SPATS2L: variants seen among roughly 807,000 people sequenced by gnomAD.
SPATS2L encodes SPATS2-like protein.
Under a neutral mutation model 59.6 loss-of-function variants are expected in SPATS2L, and 30 were observed. That is an observed-to-expected ratio of 0.50 (90% CI 0.38 to 0.68). The LOEUF is 0.68. SPATS2L is among the 30% of genes least tolerant of loss of function. SPATS2L has a pLI of 0.00. For missense variants in SPATS2L, 615 were observed against 700.0 expected (o/e 0.88, Z 1.37); for synonymous variants, 252 against 263.5 (o/e 0.96, Z 0.42).
chr2:200,330,982 A>G (rs377156556), intron 2 of SPATS2L, among the ~76,000 whole-genome samples: 1 of 152,246 alleles, frequency 6.6e-6, no homozygotes, highest in East Asian at 1.9e-4. Context: ...CCACATGAGC[A>G]CACTTTAGGA....
chr2:200,420,937 C>G (rs1371749014), intron 6 of SPATS2L, among the ~76,000 whole-genome samples: 2 of 152,078 alleles, frequency 1.3e-5, no homozygotes, highest in African/African-American at 4.8e-5. Flanking sequence ...AAAATGCCCG[C>G]TCAGTTTTTC....
intron 4 of SPATS2L, among the ~76,000 whole-genome samples, chr2:200,414,891 T>C (rs924129986): frequency 6.6e-6 from 1 of 152,264 alleles, no homozygotes; most frequent in Non-Finnish European, 1.5e-5. Flanking sequence ...ATTAGAGGAC[T>C]AATTGAATAT....
chr2:200,477,515 T>TACAAAAAAAAAAAAAAAA (rs2087630040), intron 12 of SPATS2L, 121 bp from the exon 13 acceptor site: 1 of 268,514 alleles, frequency 3.7e-6, no homozygotes, highest in Admixed American at 6.9e-5. Context: ...TTCTGGTGTA[T>TACAAAAAAAAAAAAAAAA]AAAAAAAAAA....
chr2:200,322,813 G>A (rs2079608704), intron 1 of SPATS2L, among the ~76,000 whole-genome samples: 1 of 152,124 alleles, frequency 6.6e-6, no homozygotes, highest in Admixed American at 6.5e-5. Context: ...AGTAAAAATG[G>A]GGGAAAAAAC....
intron 8 of SPATS2L, among the ~76,000 whole-genome samples, chr2:200,448,251 G>A (rs1430098394): frequency 2.6e-5 from 4 of 152,172 alleles, no homozygotes; most frequent in Non-Finnish European, 4.4e-5. Context: ...AGACCAGCCT[G>A]GCCAACATGG....
At chr2:200,331,330 G>A (rs1198722348) in intron 2 of SPATS2L, among the ~76,000 whole-genome samples, 1 of 152,208 alleles carries the variant, frequency 6.6e-6, no homozygotes, top group Non-Finnish European at 1.5e-5. Flanking sequence ...GGTATCCACT[G>A]AATCCCTTAA....
chr2:200,456,347 A>G (rs1323256736), intron 8 of SPATS2L, among the ~76,000 whole-genome samples: 2 of 152,242 alleles, frequency 1.3e-5, no homozygotes, highest in Non-Finnish European at 2.9e-5. Flanking sequence ...TACCCAGAGA[A>G]ACGGAAGCCT....
intron 2 of SPATS2L, among the ~76,000 whole-genome samples, chr2:200,335,095 A>G (rs2080096574): frequency 1.3e-5 from 2 of 152,156 alleles, no homozygotes; most frequent in Admixed American, 1.3e-4. Context: ...TCTATAAATT[A>G]CCTTGGGCAG....
At chr2:200,456,884 T>G (rs532110877) in intron 8 of SPATS2L, among the ~76,000 whole-genome samples, 4 of 152,268 alleles carry the variant, frequency 2.6e-5, no homozygotes, top group South Asian at 2.1e-4. Context: ...CCTAATTGCT[T>G]CTTCTTGCCA....
intron 6 of SPATS2L, among the ~76,000 whole-genome samples, chr2:200,428,306 A>G (rs2083705069): frequency 1.3e-5 from 2 of 151,986 alleles, no homozygotes; most frequent in South Asian, 4.1e-4. Context: ...TTTAATCTTT[A>G]TTTTTTCCCT....
At chr2:200,362,554 G>A (rs1470837841) in intron 2 of SPATS2L, among the ~76,000 whole-genome samples, 2 of 152,176 alleles carry the variant, frequency 1.3e-5, no homozygotes, top group African/African-American at 4.8e-5. Context: ...CAGAAGTTTT[G>A]CATATTACTT....
At chr2:200,352,076 G>T (rs1476286322) in intron 2 of SPATS2L, among the ~76,000 whole-genome samples, 1 of 151,992 alleles carries the variant, frequency 6.6e-6, no homozygotes, top group Non-Finnish European at 1.5e-5. Context: ...ACTGATGGGT[G>T]TTTGTGTCTT....
At chr2:200,370,049 T>C (rs1016888573) in intron 2 of SPATS2L, among the ~76,000 whole-genome samples, 3 of 152,196 alleles carry the variant, frequency 2.0e-5, no homozygotes, top group Admixed American at 6.6e-5. Flanking sequence ...CGTCATGGAC[T>C]GGGGCCACCT....
chr2:200,440,718 T>C lies in SPATS2L; in HGVS notation c.722T>C (p.Met241Thr), dbSNP rs764390276. The C allele has an allele frequency of 1.9e-6, 3 of 1,613,704 alleles. No individual in the cohort carries two copies. Among genetic ancestry groups the C allele is most frequent in the Middle Eastern group, 1.7e-4 (1 of 6,058 alleles). Residue 241 changes from methionine to threonine, a missense_variant, in exon 8 of 13, where the codon ATG becomes ACG. Transcript: ENST00000409140. ...GTTTCTCTAACTAGATATCGCGTCA[T>C]GATTAAGGAAGAAGTGGATAGTTCC... is the stretch of plus-strand genomic sequence containing the variant. ...CTVSLTRYRVMIKEEVDSSVK... is the reference protein window; with the variant it reads ...CTVSLTRYRVTIKEEVDSSVK...
intron 8 of SPATS2L, among the ~76,000 whole-genome samples, chr2:200,449,403 T>C (rs2085290153): frequency 6.6e-6 from 1 of 152,228 alleles, no homozygotes; most frequent in African/African-American, 2.4e-5. Flanking sequence ...GTCACACACT[T>C]GGCACTGGCA....
intron 1 of SPATS2L, among the ~76,000 whole-genome samples, chr2:200,320,559 G>A (rs957209060): frequency 6.6e-6 from 1 of 152,208 alleles, no homozygotes; most frequent in East Asian, 1.9e-4. Context: ...AGAGTCGTCA[G>A]GCTGAGGCAT....
At chr2:200,370,355 T>C (rs1478742302) in intron 2 of SPATS2L, among the ~76,000 whole-genome samples, 1 of 152,166 alleles carries the variant, frequency 6.6e-6, no homozygotes, top group Non-Finnish European at 1.5e-5. Context: ...ATGAATTTCA[T>C]CAACGCAGTT....
intron 3 of SPATS2L, among the ~76,000 whole-genome samples, chr2:200,409,822 T>C (rs1423566468): frequency 6.6e-6 from 1 of 152,198 alleles, no homozygotes; most frequent in East Asian, 1.9e-4. Flanking sequence ...ATGACAAGGA[T>C]AGAAAATGTT....
intron 5 of SPATS2L, among the ~76,000 whole-genome samples, chr2:200,416,963 T>C (rs1016629436): frequency 6.6e-6 from 1 of 152,206 alleles, no homozygotes; most frequent in African/African-American, 2.4e-5. Context: ...ACTGGCGTAC[T>C]GCTCTTTGAG....
Sources: allele counts gnomAD v4.1 joint callset (sites outside exome capture counted in the v4.1 genomes callset), GRCh38; gene constraint gnomAD v4.1.1; transcripts MANE v1.5; gene names NCBI Gene and HGNC (gene_info 2026-07-23, HGNC 2026-07-21).